CADM2: variants seen among roughly 807,000 people sequenced by gnomAD.
CADM2 encodes the protein cell adhesion molecule 2.
In CADM2, 12 loss-of-function variants were observed where a neutral mutation model predicts 49.8. The observed-to-expected ratio is 0.24, with a 90% confidence interval of 0.15 to 0.39. CADM2 has a LOEUF of 0.39. Ranked by LOEUF, CADM2 falls within the 10% of genes least tolerant of loss-of-function variation. The pLI, the probability that CADM2 is intolerant of heterozygous loss-of-function variation, is 1.00. For missense variants in CADM2, 378 were observed against 492.3 expected (o/e 0.77, Z 2.20); for synonymous variants, 214 against 175.4 (o/e 1.22, Z -1.74).
At chr3:85,775,987 ATTACT>A (rs532239684) in intron 2 of CADM2, among the ~76,000 whole-genome samples, 84 of 151,998 alleles carry the variant, frequency 5.5e-4, no homozygotes, top group African/African-American at 1.9e-3. Context: ...GATCTAGAAA[ATTACT>A]TTAATGCACA....
chr3:85,961,852 A>AT (rs946817430), intron 8 of CADM2, among the ~76,000 whole-genome samples: 11 of 151,418 alleles, frequency 7.3e-5, no homozygotes, highest in Admixed American at 4.6e-4. Flanking sequence ...CATACATAAA[A>AT]TTTTTTTTTG....
intron 2 of CADM2, among the ~76,000 whole-genome samples, chr3:85,796,979 C>G (rs2071663326): frequency 6.6e-6 from 1 of 151,664 alleles, no homozygotes; most frequent in African/African-American, 2.4e-5. Flanking sequence ...CCTGCAGTTC[C>G]AGCTACTCGG....
chr3:85,578,874 C>G (rs1470543604), intron 1 of CADM2, among the ~76,000 whole-genome samples: 2 of 152,186 alleles, frequency 1.3e-5, no homozygotes, highest in Admixed American at 1.3e-4. Flanking sequence ...TCACACACTC[C>G]CATTATATTT....
At chr3:85,327,400 T>C (rs1367965718) in intron 1 of CADM2, among the ~76,000 whole-genome samples, 1 of 151,898 alleles carries the variant, frequency 6.6e-6, no homozygotes, top group Non-Finnish European at 1.5e-5. Flanking sequence ...GGATTACAGG[T>C]GCACACCACC....
chr3:85,623,156 A>G (rs187823884), intron 1 of CADM2, among the ~76,000 whole-genome samples: 72 of 152,230 alleles, frequency 4.7e-4, no homozygotes, highest in Non-Finnish European at 9.4e-4. Flanking sequence ...ACTTAACACC[A>G]CTAGTTTCAA....
intron 2 of CADM2, among the ~76,000 whole-genome samples, chr3:85,786,787 T>C (rs1267618480): frequency 1.3e-5 from 2 of 152,062 alleles, no homozygotes; most frequent in East Asian, 1.9e-4. Context: ...AAGAGCTTTA[T>C]ACGTCTCACA....
chr3:85,104,013 G>C (rs915354385), intron 1 of CADM2, among the ~76,000 whole-genome samples: 3 of 152,126 alleles, frequency 2.0e-5, no homozygotes, highest in Non-Finnish European at 2.9e-5. Context: ...TTAGAAAGCT[G>C]TTCAATTTAT....
chr3:85,759,207 G>T (rs1057441012), intron 2 of CADM2, among the ~76,000 whole-genome samples: 1 of 151,902 alleles, frequency 6.6e-6, no homozygotes, highest in Non-Finnish European at 1.5e-5. Context: ...AAAAGACATT[G>T]CTTGAGATCC....
intron 1 of CADM2, among the ~76,000 whole-genome samples, chr3:85,215,720 G>A (rs957091073): frequency 3.9e-5 from 6 of 152,114 alleles, no homozygotes; most frequent in African/African-American, 1.4e-4. Context: ...CCATGTTTGG[G>A]GGTCTTTCCG....
chr3:85,015,021 T>C (rs1230183744), intron 1 of CADM2, among the ~76,000 whole-genome samples: 1 of 152,160 alleles, frequency 6.6e-6, no homozygotes, highest in Non-Finnish European at 1.5e-5. Context: ...CTTTGGTTTT[T>C]GAAAATCCAA....
chr3:85,820,230 TA>T (rs1324100673), intron 3 of CADM2, among the ~76,000 whole-genome samples: 4 of 152,092 alleles, frequency 2.6e-5, no homozygotes, highest in Non-Finnish European at 5.9e-5. Flanking sequence ...AGCCATAGAA[TA>T]ATTCTGAATT....
chr3:85,933,731 G>A (rs1238132405), intron 6 of CADM2, among the ~76,000 whole-genome samples: 1 of 152,030 alleles, frequency 6.6e-6, no homozygotes, highest in East Asian at 1.9e-4. Flanking sequence ...TGATGATATA[G>A]TTCCAGTCCA....
At position 85,133,969 on chromosome 3, in the gene CADM2, TCAGG is replaced by T. The variant is rs1328338523; in HGVS notation, c.61+174304_61+174307del. Among the ~76,000 whole-genome samples the T allele has an allele frequency of 2.4e-4, 36 of 151,200 alleles. No individual in the cohort carries two copies. In the East Asian group the frequency reaches 7.0e-3, roughly 30 times the overall value. ...GGAGCCCACGGAGGGGATGGGAGGC[TCAGG>T]CATGGCGGGCTGCAGGTCCCGAGCC... On this transcript the variant is annotated intron_variant, in intron 1 of 9. Transcript: ENST00000383699.
intron 1 of CADM2, among the ~76,000 whole-genome samples, chr3:85,278,884 A>G (rs1454118899): frequency 2.6e-5 from 4 of 151,454 alleles, no homozygotes; most frequent in African/African-American, 4.8e-5. Flanking sequence ...CAGATTAACA[A>G]TTCTAGTTAT....
intron 1 of CADM2, among the ~76,000 whole-genome samples, chr3:85,539,423 C>T (rs1341468526): frequency 6.6e-6 from 1 of 152,082 alleles, no homozygotes; most frequent in Non-Finnish European, 1.5e-5. Context: ...CTCAGTTCCT[C>T]TTTTAACTTC....
chr3:85,184,469 A>T (rs1352394019), intron 1 of CADM2, among the ~76,000 whole-genome samples: 2 of 152,056 alleles, frequency 1.3e-5, no homozygotes, highest in East Asian at 1.9e-4. Flanking sequence ...TACTCTGCTT[A>T]TTATTTTTAG....
intron 1 of CADM2, among the ~76,000 whole-genome samples, chr3:85,494,984 G>A (rs1313091243): frequency 1.3e-5 from 2 of 152,174 alleles, no homozygotes; most frequent in African/African-American, 4.8e-5. Flanking sequence ...TTGCTATAAT[G>A]TGTGTCAATT....
At chr3:85,352,567 T>C (rs1468888062) in intron 1 of CADM2, among the ~76,000 whole-genome samples, 1 of 152,146 alleles carries the variant, frequency 6.6e-6, no homozygotes, top group East Asian at 1.9e-4. Flanking sequence ...TTGTTTACTT[T>C]GGTTTATCTC....
chr3:85,288,813 G>A (rs2043703650), intron 1 of CADM2, among the ~76,000 whole-genome samples: 1 of 130,738 alleles, frequency 7.6e-6, no homozygotes, highest in African/African-American at 2.8e-5. Context: ...TTCCATCATG[G>A]CTAATTTCTC....
Sources: allele counts gnomAD v4.1 joint callset (sites outside exome capture counted in the v4.1 genomes callset), GRCh38; gene constraint gnomAD v4.1.1; transcripts MANE v1.5; gene names NCBI Gene and HGNC (gene_info 2026-07-23, HGNC 2026-07-21).